Variants in PRKAG2 observed in about 807,000 individuals in gnomAD.
PRKAG2 encodes the protein protein kinase AMP-activated non-catalytic subunit gamma 2.
PRKAG2 carries 26 observed loss-of-function variants against 69.6 expected under a neutral mutation model. The observed-to-expected ratio is 0.37, with a 90% CI of 0.27 to 0.52. PRKAG2 has a LOEUF of 0.52. Among genes scored for constraint, PRKAG2 ranks in the 20% least tolerant of loss-of-function variants. PRKAG2 has a pLI of 0.90. For missense variants in PRKAG2, 557 were observed against 740.0 expected (o/e 0.75, Z 2.87); for synonymous variants, 293 against 285.0 (o/e 1.03, Z -0.28).
Position 151,632,330 on chromosome 7 carries a change from C to T in PRKAG2, c.685-192G>A, listed in dbSNP as rs1437278616. On this transcript the variant is annotated intron_variant, in intron 4 of 15. Coordinates refer to ENST00000287878, the MANE Select transcript of PRKAG2 (RefSeq NM_016203.4). This position sits in a 1 kb window ranked among gnomAD's most constrained non-coding sequence, Gnocchi z 4.2. ...GCCCCCACCCGCCCGAGGCCGCCGC[C>T]GCCGCCGCAGGTGGCGCGGCCGCGG... The T allele has an allele frequency of 9.8e-6, 7 of 712,484 alleles. No individual in the cohort carries two copies. Among genetic ancestry groups the T allele is most frequent in the Middle Eastern group, 6.7e-4 (1 of 1,500 alleles). The allele number at this position is 712,484 out of a possible 1,614,324, so 44.1% of individuals were successfully genotyped here.
intron 3 of PRKAG2, among the ~76,000 whole-genome samples, chr7:151,683,098 G>A (rs1257324628): frequency 6.6e-6 from 1 of 152,270 alleles, no homozygotes; most frequent in African/African-American, 2.4e-5. Flanking sequence ...TTCTCCCAGG[G>A]CGGCAGCCAG....
chr7:151,615,658 G>C (rs910164633), intron 5 of PRKAG2, among the ~76,000 whole-genome samples: 3 of 151,988 alleles, frequency 2.0e-5, no homozygotes, highest in Admixed American at 6.6e-5. Flanking sequence ...TATTTACAAA[G>C]GATGCATCCA....
Position 151,632,376 on chromosome 7 carries a change from T to A in PRKAG2, c.685-238A>T. On this transcript the variant is annotated intron_variant, in intron 4 of 15. Coordinates refer to ENST00000287878, the MANE Select transcript of PRKAG2 (RefSeq NM_016203.4). This position sits in a 1 kb window ranked among gnomAD's most constrained non-coding sequence, Gnocchi z 4.2. ...CGCGGCCCGCGTGCCCCTCCGCGAG[T>A]GGGACGCGCCGCTCCCCCCCGCGCC... 2.2e-6 allele frequency: 1 copy of A among 461,158 alleles called. No homozygotes were observed. Among genetic ancestry groups the A allele is most frequent in the Non-Finnish European group, 2.8e-6 (1 of 354,116 alleles). 28.6% of individuals were successfully genotyped at this position (461,158 alleles called of 1,614,324 possible).
chr7:151,753,190 G>A (rs960514560), intron 3 of PRKAG2, among the ~76,000 whole-genome samples: 3 of 152,356 alleles, frequency 2.0e-5, no homozygotes, highest in East Asian at 1.9e-4. Flanking sequence ...AAAGGACAAC[G>A]AAACAAAACG....
intron 3 of PRKAG2, among the ~76,000 whole-genome samples, chr7:151,739,632 G>A (rs2151707805): frequency 6.6e-6 from 1 of 151,942 alleles, no homozygotes; most frequent in South Asian, 2.1e-4. Flanking sequence ...ACCACACCCA[G>A]GCAATTTTTG....
chr7:151,709,983 G>C (rs1839307890), intron 3 of PRKAG2, among the ~76,000 whole-genome samples: 1 of 152,204 alleles, frequency 6.6e-6, no homozygotes, highest in South Asian at 2.1e-4. Context: ...CTTCCAGAGG[G>C]CTTTCAGGAG....
intron 1 of PRKAG2, among the ~76,000 whole-genome samples, chr7:151,796,122 G>C (rs2077523638): frequency 6.6e-6 from 1 of 151,798 alleles, no homozygotes; most frequent in South Asian, 2.1e-4. Flanking sequence ...TCCTAACACA[G>C]AGCCCTAGGC....
At chr7:151,794,547 C>T (rs1317386879) in intron 1 of PRKAG2, among the ~76,000 whole-genome samples, 1 of 152,270 alleles carries the variant, frequency 6.6e-6, no homozygotes, top group African/African-American at 2.4e-5. Flanking sequence ...CACACTGGGG[C>T]CTGATGATGA....
At chr7:151,675,795 G>A (rs1832842651) in intron 3 of PRKAG2, among the ~76,000 whole-genome samples, 158 bp from the exon 4 acceptor site, 1 of 152,106 alleles carries the variant, frequency 6.6e-6, no homozygotes, top group Non-Finnish European at 1.5e-5. Context: ...CGGCCTCCAG[G>A]AAGGGACATT....
intron 1 of PRKAG2, among the ~76,000 whole-genome samples, chr7:151,825,288 C>G (rs2078882371): frequency 2.0e-5 from 3 of 152,112 alleles, no homozygotes; most frequent in Non-Finnish European, 2.9e-5. Flanking sequence ...AATTAAAGGG[C>G]CTTTGAGAAT....
In PRKAG2 at chr7:151,669,362, C is replaced by T. The variant is rs565856440; in HGVS notation, c.684+6058G>A. Among the ~76,000 whole-genome samples the T allele has an allele frequency of 5.3e-5, 8 of 152,346 alleles. 1 individual carries two copies. Among genetic ancestry groups the T allele is most frequent in the African/African-American group, 9.6e-5 (4 of 41,574 alleles). On this transcript the variant is annotated intron_variant, in intron 4 of 15. Transcript: ENST00000287878. ...AAAAGTATCCTTGCCGAAGTCACAA[C>T]GACCTTATGTTACACAACTAGTTGG...
chr7:151,652,993 C>G (rs927707136), intron 4 of PRKAG2, among the ~76,000 whole-genome samples: 4 of 151,092 alleles, frequency 2.6e-5, no homozygotes, highest in Non-Finnish European at 4.4e-5. Context: ...AACTGCCGTA[C>G]AGCAAGACCT....
Position 151,801,832 on chromosome 7 carries a change from T to C in PRKAG2, c.115-15291A>G, listed in dbSNP as rs552552083. Reference sequence around the variant, plus strand: ...TCAGGTACAAAAAACAGGGGGTTGTTTGCGTCTTTGTTTTTTCAAACAAGA... The same window carrying C: ...TCAGGTACAAAAAACAGGGGGTTGTCTGCGTCTTTGTTTTTTCAAACAAGA... On this transcript the variant is annotated intron_variant, in intron 1 of 15. Transcript: ENST00000287878. 4.8e-4 allele frequency among the ~76,000 whole-genome samples: 73 copies of C among 152,278 alleles called. 2 individuals are homozygous for C. In the South Asian group the frequency reaches 0.015, roughly 32 times the overall value.
At chr7:151,731,516 A>T in intron 3 of PRKAG2, among the ~76,000 whole-genome samples, 1 of 120,428 alleles carries the variant, frequency 8.3e-6, no homozygotes, top group African/African-American at 3.2e-5. Flanking sequence ...GGCTGTGGGG[A>T]GAGCTCTGTG....
At chr7:151,557,569 TG>T (rs1490629787) in intron 15 of PRKAG2, 32 of 985,126 alleles carry the variant, frequency 3.2e-5, no homozygotes, top group Non-Finnish European at 3.9e-5. Flanking sequence ...CTTACAAATA[TG>T]TATTAAAAAA....
At chr7:151,863,098 C>T (rs866495877) in intron 1 of PRKAG2, among the ~76,000 whole-genome samples, 5 of 141,458 alleles carry the variant, frequency 3.5e-5, no homozygotes, top group Admixed American at 7.0e-5. Flanking sequence ...GGTAGGTCCC[C>T]GGGTGCAGGG....
chr7:151,694,846 G>A (rs1022455664), intron 3 of PRKAG2, among the ~76,000 whole-genome samples: 5 of 152,180 alleles, frequency 3.3e-5, no homozygotes, highest in South Asian at 2.1e-4. Flanking sequence ...CCCCAACACC[G>A]AGGGCCAGAG....
chr7:151,576,542 C>T, intron 6 of PRKAG2, 90 bp from the exon 7 acceptor site: 1 of 1,216,836 alleles, frequency 8.2e-7, no homozygotes, highest in Admixed American at 2.0e-5. Context: ...ACTCTGTTGC[C>T]CAGGCTGGAG....
intron 1 of PRKAG2, among the ~76,000 whole-genome samples, chr7:151,870,154 TAGGCAGGCAGGC>T (rs200063326): frequency 0.013 from 1,827 of 138,220 alleles, 20 homozygotes; most frequent in Middle Eastern, 0.026. Context: ...GATAGATAGA[TAGGCAGGCAGGC>T]AGGCAGGCAG....
Sources: gnomAD v4.1 joint callset for allele counts (sites outside exome capture counted in the v4.1 genomes callset) on GRCh38, gnomAD v4.1.1 for gene constraint, Gnocchi (gnomAD v3.1) non-coding constraint, MANE v1.5 for transcripts, NCBI Gene and HGNC (gene_info 2026-07-23, HGNC 2026-07-21) for gene names.